Variants in VPS8 observed in about 807,000 individuals in gnomAD.
VPS8 encodes VPS8 subunit of CORVET complex.
VPS8 carries 129 observed loss-of-function variants against 216.4 expected under a neutral mutation model. The ratio of observed to expected loss-of-function variants is 0.60; its 90% CI spans 0.52 to 0.69. The LOEUF (loss-of-function observed/expected upper bound fraction) is 0.69, where lower values mean the gene tolerates loss of function less well. Ranked by LOEUF, VPS8 falls within the 30% of genes least tolerant of loss-of-function variation. VPS8 has a pLI of 0.00. For missense variants in VPS8, 1,531 were observed against 1,683.5 expected (o/e 0.91, Z 1.59); for synonymous variants, 571 against 565.4 (o/e 1.01, Z -0.14).
chr3:185,024,164 C>T (rs1433380743), intron 45 of VPS8, among the ~76,000 whole-genome samples, 172 bp from the exon 46 acceptor site: 2 of 152,108 alleles, frequency 1.3e-5, no homozygotes, highest in Non-Finnish European at 2.9e-5. Flanking sequence ...TTTTTGATCT[C>T]CAGAAAAATT....
chr3:184,982,373 T>A (rs1750354557), intron 40 of VPS8, 193 bp from the exon 41 acceptor site: 2 of 554,312 alleles, frequency 3.6e-6, no homozygotes, highest in Non-Finnish European at 6.3e-6. Context: ...AGCTGTGGTT[T>A]CTGCTTTGTA....
chr3:184,816,235 A>G (rs983736509), intron 1 of VPS8: 2 of 152,200 alleles, frequency 1.3e-5, no homozygotes, highest in African/African-American at 2.4e-5. Context: ...TACATTATCT[A>G]GATATTTGTA....
At chr3:184,926,942 T>G (rs1026732938) in intron 31 of VPS8, among the ~76,000 whole-genome samples, 1 of 152,190 alleles carries the variant, frequency 6.6e-6, no homozygotes, top group Non-Finnish European at 1.5e-5. Context: ...TCTTGTACCC[T>G]GCATTCCATT....
intron 36 of VPS8, among the ~76,000 whole-genome samples, chr3:184,942,362 G>C (rs1342009307): frequency 6.6e-6 from 1 of 152,076 alleles, no homozygotes; most frequent in African/African-American, 2.4e-5. Context: ...CCCTAACCAG[G>C]ATAATTACCT....
At chr3:184,832,471 A>G (rs1720204499) in intron 3 of VPS8, among the ~76,000 whole-genome samples, 1 of 152,196 alleles carries the variant, frequency 6.6e-6, no homozygotes, top group Non-Finnish European at 1.5e-5. Flanking sequence ...TGCTACACGA[A>G]AGAAGTTTTG....
At chr3:184,918,784 C>G (rs2109116355) in intron 28 of VPS8, among the ~76,000 whole-genome samples, 1 of 152,264 alleles carries the variant, frequency 6.6e-6, no homozygotes, top group Non-Finnish European at 1.5e-5. Context: ...AGAGTATCAT[C>G]TCACTTTAGC....
chr3:184,928,065 C>CA (rs1373357895), intron 31 of VPS8, among the ~76,000 whole-genome samples: 2 of 152,232 alleles, frequency 1.3e-5, no homozygotes, highest in East Asian at 3.9e-4. Flanking sequence ...AACATGTAAA[C>CA]ATGGATACCA....
chr3:184,896,741 T>C (rs1207836020), intron 23 of VPS8, among the ~76,000 whole-genome samples: 1 of 152,244 alleles, frequency 6.6e-6, no homozygotes, highest in African/African-American at 2.4e-5. Flanking sequence ...GCCTAAATTT[T>C]AGCAGAAAAG....
At chr3:184,971,305 A>G (rs893128729) in intron 39 of VPS8, among the ~76,000 whole-genome samples, 1 of 152,236 alleles carries the variant, frequency 6.6e-6, no homozygotes, top group African/African-American at 2.4e-5. Context: ...TTTAAGAAAT[A>G]GGCAGAAGAA....
intron 1 of VPS8, among the ~76,000 whole-genome samples, chr3:184,819,141 T>C (rs1487616411): frequency 1.3e-5 from 2 of 152,224 alleles, no homozygotes; most frequent in African/African-American, 4.8e-5. Flanking sequence ...CTTGAATCTA[T>C]TAATTGGTTG....
intron 5 of VPS8, among the ~76,000 whole-genome samples, chr3:184,838,221 G>A (rs1433246032): frequency 1.3e-5 from 2 of 152,128 alleles, no homozygotes; most frequent in Non-Finnish European, 2.9e-5. Context: ...ACTTCTTTAT[G>A]TTTTAATTTC....
chr3:184,903,526 A>C (rs960866398), intron 25 of VPS8, among the ~76,000 whole-genome samples: 4 of 152,168 alleles, frequency 2.6e-5, no homozygotes, highest in Admixed American at 1.3e-4. Flanking sequence ...ATCACAGTTC[A>C]TTGCAGCCTC....
intron 40 of VPS8, among the ~76,000 whole-genome samples, chr3:184,979,509 A>G (rs896616216): frequency 1.3e-5 from 2 of 152,208 alleles, no homozygotes; most frequent in Non-Finnish European, 2.9e-5. Context: ...GTATTAGGAT[A>G]CTTAAGTCTT....
intron 5 of VPS8, 84 bp downstream of exon 5, chr3:184,834,826 C>G (rs1375463095): frequency 3.7e-6 from 4 of 1,072,376 alleles, no homozygotes; most frequent in Non-Finnish European, 5.4e-6. Flanking sequence ...AAATACAGCA[C>G]TTCTCTTGGC....
chr3:184,941,213 T>C (rs1439129103), intron 36 of VPS8, among the ~76,000 whole-genome samples: 1 of 86,044 alleles, frequency 1.2e-5, no homozygotes, highest in Non-Finnish European at 3.0e-5. Context: ...AGTAATTTTG[T>C]TGGTTGTAAA....
chr3:184,815,116 T>TA (rs1716028906), intron 1 of VPS8, among the ~76,000 whole-genome samples: 2 of 152,168 alleles, frequency 1.3e-5, no homozygotes, highest in Non-Finnish European at 2.9e-5. Flanking sequence ...TGTCATCTCT[T>TA]ATGATAACAG....
At chr3:185,020,469 C>A (rs955096176) in intron 45 of VPS8, among the ~76,000 whole-genome samples, 12 of 130,928 alleles carry the variant, frequency 9.2e-5, no homozygotes, top group African/African-American at 3.4e-4. Flanking sequence ...AAAATTAAGG[C>A]TTTTTTTTTT....
At chr3:184,820,093 G>C (rs1045617185) in intron 1 of VPS8, among the ~76,000 whole-genome samples, 4 of 152,172 alleles carry the variant, frequency 2.6e-5, no homozygotes, top group African/African-American at 9.7e-5. Flanking sequence ...AACCTGTGTT[G>C]TTCAAGGATC....
intron 36 of VPS8, among the ~76,000 whole-genome samples, chr3:184,946,140 A>G (rs927106228): frequency 6.6e-6 from 1 of 152,226 alleles, no homozygotes; most frequent in African/African-American, 2.4e-5. Context: ...TTGTGCAGCA[A>G]GGGATTATAG....
Sources: allele counts gnomAD v4.1 joint callset (sites outside exome capture counted in the v4.1 genomes callset), GRCh38; gene constraint gnomAD v4.1.1; transcripts MANE v1.5; gene names NCBI Gene and HGNC (gene_info 2026-07-23, HGNC 2026-07-21).